Variants in SLCO2A1 observed in about 807,000 individuals in gnomAD.
The protein encoded by SLCO2A1 is solute carrier organic anion transporter family member 2A1, also known as matrin F/G 1.
A neutral mutation model predicts 71.7 loss-of-function variants in SLCO2A1; 60 were observed. The observed-to-expected ratio is 0.84, with a 90% CI of 0.68 to 1.04. The LOEUF (loss-of-function observed/expected upper bound fraction) is 1.04, where lower values mean the gene tolerates loss of function less well. SLCO2A1 is among the 50% of genes least tolerant of loss of function. The pLI is 0.00. For missense variants in SLCO2A1, 745 were observed against 813.4 expected (o/e 0.92, Z 1.02); for synonymous variants, 308 against 326.7 (o/e 0.94, Z 0.62).
intron 1 of SLCO2A1, among the ~76,000 whole-genome samples, chr3:134,013,878 C>T (rs903765769): frequency 6.6e-6 from 1 of 152,140 alleles, no homozygotes; most frequent in Non-Finnish European, 1.5e-5. Context: ...AGTCAGGCCA[C>T]ATCCCCAGAC....
chr3:134,026,493 G>A (rs1053384049), intron 1 of SLCO2A1, among the ~76,000 whole-genome samples: 1 of 151,998 alleles, frequency 6.6e-6, no homozygotes, highest in African/African-American at 2.4e-5. Context: ...TGCTTCCCGC[G>A]AAAAGAGAAG....
chr3:133,954,729 C>T (rs1248703596), intron 4 of SLCO2A1, among the ~76,000 whole-genome samples: 1 of 152,184 alleles, frequency 6.6e-6, no homozygotes, highest in Admixed American at 6.5e-5. Context: ...ATATCAGCCT[C>T]CTCCTGGAGG....
At chr3:133,942,951 T>A (rs1933468172) in intron 10 of SLCO2A1, among the ~76,000 whole-genome samples, 183 bp from the exon 11 acceptor site, 1 of 151,962 alleles carries the variant, frequency 6.6e-6, no homozygotes, top group South Asian at 2.1e-4. Flanking sequence ...GCCCCAGGGG[T>A]CCCACCTCTG....
intron 3 of SLCO2A1, among the ~76,000 whole-genome samples, chr3:133,962,885 C>T (rs901554944): frequency 1.3e-5 from 2 of 152,186 alleles, no homozygotes; most frequent in African/African-American, 2.4e-5. Flanking sequence ...AGCCACCTGC[C>T]CCTATCTTGG....
intron 3 of SLCO2A1, among the ~76,000 whole-genome samples, chr3:133,959,162 T>C (rs1346076442): frequency 2.0e-5 from 3 of 152,174 alleles, no homozygotes; most frequent in Non-Finnish European, 4.4e-5. Flanking sequence ...GAAAAGGACC[T>C]GGACCCAGTT....
At chr3:134,016,561 A>T (rs1935460097) in intron 1 of SLCO2A1, among the ~76,000 whole-genome samples, 1 of 152,230 alleles carries the variant, frequency 6.6e-6, no homozygotes, top group Non-Finnish European at 1.5e-5. Context: ...TGTCACAGCA[A>T]CTGGGTCTCT....
At chr3:134,019,616 G>T (rs1935527780) in intron 1 of SLCO2A1, among the ~76,000 whole-genome samples, 1 of 152,082 alleles carries the variant, frequency 6.6e-6, no homozygotes, top group South Asian at 2.1e-4. Flanking sequence ...CCATGAGCTG[G>T]ATATTGGTCA....
At chr3:133,987,229 TGGTTCAGGTCTCGACA>T (rs1418586065) in intron 1 of SLCO2A1, among the ~76,000 whole-genome samples, 1 of 140,872 alleles carries the variant, frequency 7.1e-6, no homozygotes, top group Non-Finnish European at 1.5e-5. Context: ...CCTGAAAGAC[TGGTTCAGGTCTCGACA>T]GGAAGTGGGG....
rs562335703 is a variant in SLCO2A1 at position 133,953,842 on chromosome 3, T to A, written c.626-81A>T. On this transcript the variant is annotated intron_variant, in intron 4 of 13. Transcript: ENST00000310926. ...CTTGGGCTCCCAAGCTGAGGGGGAG[T>A]CTTGAGATATCACTTCATCTGTTCC... 7.0e-5 allele frequency: 70 copies of A among 1,000,314 alleles called. No individual in the cohort carries two copies. The East Asian group carries it at 1.7e-3, about 24-fold the overall frequency. 62.0% of individuals were successfully genotyped at this position (1,000,314 alleles called of 1,614,324 possible). A position where few individuals can be genotyped will look rare whatever the true frequency, so the allele number is the denominator to read the frequency against.
At chr3:133,942,548 A>C in intron 11 of SLCO2A1, 57 bp downstream of exon 11, 2 of 1,532,022 alleles carry the variant, frequency 1.3e-6, no homozygotes, top group Non-Finnish European at 8.8e-7. Flanking sequence ...GCAAAGTCAA[A>C]GGGAGATGTG....
At chr3:134,003,026 G>C (rs1178420420) in intron 1 of SLCO2A1, among the ~76,000 whole-genome samples, 1 of 152,178 alleles carries the variant, frequency 6.6e-6, no homozygotes, top group Non-Finnish European at 1.5e-5. Context: ...TGTGGGCCAG[G>C]AGCATTCCAG....
chr3:134,028,531 CCA>C (rs1935742558), intron 1 of SLCO2A1, among the ~76,000 whole-genome samples: 1 of 152,034 alleles, frequency 6.6e-6, no homozygotes, highest in Admixed American at 6.6e-5. Flanking sequence ...AGTGGAGATC[CCA>C]GCTGAGTAAG....
chr3:134,018,576 C>G (rs1935510123), intron 1 of SLCO2A1, among the ~76,000 whole-genome samples: 1 of 152,194 alleles, frequency 6.6e-6, no homozygotes, highest in South Asian at 2.1e-4. Flanking sequence ...TGTTCCCTCA[C>G]TGATTGGATA....
At chr3:133,958,231 T>C (rs1326690073) in intron 3 of SLCO2A1, among the ~76,000 whole-genome samples, 1 of 152,226 alleles carries the variant, frequency 6.6e-6, no homozygotes, top group South Asian at 2.1e-4. Context: ...AGGCCTGGAC[T>C]GGGAGCCTGG....
At chr3:133,937,726 G>A (rs1460210887) in intron 12 of SLCO2A1, among the ~76,000 whole-genome samples, 1 of 152,190 alleles carries the variant, frequency 6.6e-6, no homozygotes, top group Non-Finnish European at 1.5e-5. Context: ...CTTTACTACT[G>A]TGTGCCTGTC....
chr3:134,029,607 G>A, intron 1 of SLCO2A1, 100 bp downstream of exon 1: 1 of 909,558 alleles, frequency 1.1e-6, no homozygotes, highest in African/African-American at 1.8e-5. Context: ...GGAGCCCGGG[G>A]CTCCCGGAGC....
chr3:133,948,886 C>T lies in SLCO2A1; in HGVS notation c.940+7G>A. On this transcript the variant is annotated splice_region_variant and intron_variant, in intron 7 of 13. Transcript: ENST00000310926. ...GCCAGCCCACCCAGGGCTGTAGGGT[C>T]AGTTACGTTTAATGAAATCCACCAG... 1 of 1,613,840 alleles carries T rather than the reference C, an allele frequency of 6.2e-7. No homozygotes were observed. Among genetic ancestry groups the T allele is most frequent in the Non-Finnish European group, 8.5e-7 (1 of 1,179,724 alleles).
At chr3:133,959,719 G>C (rs949515365) in intron 3 of SLCO2A1, among the ~76,000 whole-genome samples, 2 of 152,022 alleles carry the variant, frequency 1.3e-5, no homozygotes, top group African/African-American at 4.8e-5. Context: ...CTAGCTACTT[G>C]GGAGGCTGAG....
chr3:134,016,272 C>T (rs1442302415), intron 1 of SLCO2A1, among the ~76,000 whole-genome samples: 3 of 151,950 alleles, frequency 2.0e-5, no homozygotes, highest in Admixed American at 2.0e-4. Context: ...AAAATCATTT[C>T]AGACTGCATA....
Sources: gnomAD v4.1 joint callset for allele counts (sites outside exome capture counted in the v4.1 genomes callset) on GRCh38, gnomAD v4.1.1 for gene constraint, MANE v1.5 for transcripts, NCBI Gene and HGNC (gene_info 2026-07-23, HGNC 2026-07-21) for gene names.